Variants in ZNF83 observed in about 807,000 individuals in gnomAD.
The protein encoded by ZNF83 is zinc finger protein 83.
For missense variants in ZNF83, 552 were observed against 629.9 expected, an observed-to-expected ratio of 0.88 and a Z score of 1.32; for synonymous variants, 209 against 213.0, an observed-to-expected ratio of 0.98 and a Z score of 0.17.
rs1256064536 is a variant in ZNF83 at position 52,683,226 on chromosome 19, CTCTGTG to C, written c.-283+7211_-283+7216del. Among the ~76,000 whole-genome samples the C allele has an allele frequency of 2.5e-3, 333 of 135,762 alleles. 8 individuals are homozygous for C. The highest frequency in any genetic ancestry group is 7.2e-3 in the East Asian group (28 of 3,898). 89.1% of individuals were successfully genotyped at this position (135,762 alleles called of 152,430 possible). On this transcript the variant is annotated intron_variant, in intron 1 of 5. Transcript: ENST00000594682. ...CCTCAGCTCCTCAGCTGCCCTGTGA[CTCTGTG>C]TGTGTGTGTGTGTGTGTGTGTGTGT...
intron 2 of ZNF83, among the ~76,000 whole-genome samples, chr19:52,619,739 T>C (rs547290483): frequency 8.6e-5 from 13 of 151,802 alleles, no homozygotes; most frequent in South Asian, 2.1e-4. Flanking sequence ...CACAGTGAAA[T>C]AGCCGGGCTC....
intron 2 of ZNF83, among the ~76,000 whole-genome samples, chr19:52,623,451 C>G (rs1025318354): frequency 6.6e-6 from 1 of 152,136 alleles, no homozygotes; most frequent in Non-Finnish European, 1.5e-5. Flanking sequence ...CCAACTTGAA[C>G]AATATTCTTT....
chr19:52,625,043 CTCCTT>C (rs1282434075), intron 2 of ZNF83, among the ~76,000 whole-genome samples: 1 of 151,870 alleles, frequency 6.6e-6, no homozygotes, highest in African/African-American at 2.4e-5. Flanking sequence ...CCATTTCCCC[CTCCTT>C]TCGTGTTCCT....
At chr19:52,646,553 TATTA>T (rs2061375294) in intron 3 of ZNF83, among the ~76,000 whole-genome samples, 2 of 152,118 alleles carry the variant, frequency 1.3e-5, no homozygotes, top group South Asian at 2.1e-4. Flanking sequence ...TATCTGAAAA[TATTA>T]ATTAATTAGT....
chr19:52,655,374 A>C (rs2085086660), intron 3 of ZNF83: 1 of 562,772 alleles, frequency 1.8e-6, no homozygotes, highest in Admixed American at 3.2e-5. Context: ...GTTTTTATGT[A>C]AAACCACTCC....
intron 2 of ZNF83, among the ~76,000 whole-genome samples, chr19:52,630,712 G>T (rs1023480608): frequency 6.6e-6 from 1 of 151,936 alleles, no homozygotes; most frequent in Admixed American, 6.6e-5. Flanking sequence ...TCACATGCCC[G>T]TTACCATCCC....
At chr19:52,689,974 G>T (rs1200254113) in intron 1 of ZNF83, among the ~76,000 whole-genome samples, 3 of 152,192 alleles carry the variant, frequency 2.0e-5, no homozygotes, top group Non-Finnish European at 4.4e-5. Flanking sequence ...GAGGAGGGAG[G>T]TGGGGGGCGA....
rs192597481 is a variant in ZNF83, at chr19:52,653,061, G to A, written c.-74+2500C>T. 20 of 1,487,656 alleles carry A rather than the reference G, an allele frequency of 1.3e-5. No homozygotes were observed. The African/African-American group carries it at 2.2e-4, about 16-fold the overall frequency. The allele number at this position is 1,487,656 out of a possible 1,614,324, so 92.2% of individuals were successfully genotyped here. ...AAACCTTGCCACATTCATTACACTT[G>A]TAAGGTTTCTCTCCAGTATGAATTG... On this transcript the variant is annotated intron_variant, in intron 3 of 5. Coordinates refer to the ZNF83 transcript ENST00000594682.
At position 52,635,169 on chromosome 19, in the gene ZNF83, A is replaced by G. The variant is rs10775556; in HGVS notation, c.-321-16T>C. 398,004 of 618,196 alleles carry G rather than the reference A, an allele frequency of 0.64. 131,601 individuals are homozygous for G. The highest frequency in any genetic ancestry group is 0.72 in the African/African-American group (39,822 of 55,094). The allele number at this position is 618,196 out of a possible 1,614,324, so 38.3% of individuals were successfully genotyped here. A position where few individuals can be genotyped will look rare whatever the true frequency, so the allele number is the denominator to read the frequency against. The stretch of plus-strand genomic sequence containing the variant: ...GAAGTCAATCCTGAATGTTAAAAAT[A>G]TGTTGTTTATTGCTCAGAATCAATA... On this transcript the variant is annotated splice_polypyrimidine_tract_variant and intron_variant, in intron 1 of 2. Transcript: ENST00000301096.
chr19:52,654,267 AT>A, intron 3 of ZNF83: 1 of 1,558,168 alleles, frequency 6.4e-7, no homozygotes, highest in Non-Finnish European at 8.8e-7. Context: ...AGTCATGAAT[AT>A]CTTTCTTGAT....
exon 3 of ZNF83, chr19:52,612,524 C>T (rs1228621452): frequency 1.3e-5 from 2 of 158,194 alleles, no homozygotes; most frequent in African/African-American, 4.8e-5. Context: ...AAAGCTTAAG[C>T]ATGCACGTTA....
At chr19:52,646,940 T>C in intron 3 of ZNF83, among the ~76,000 whole-genome samples, 1 of 152,242 alleles carries the variant, frequency 6.6e-6, no homozygotes, top group East Asian at 1.9e-4. Context: ...TATGATTTAC[T>C]GTCTTTGTCC....
rs780906311 is a variant in ZNF83, at chr19:52,619,025, G to T, written c.-233-4228C>A. ...GTCCAGGCATTTCCACTCCTCCTGA[G>T]AGAATTCTATGGCCACATCCCTGAA... On this transcript the variant is annotated intron_variant, in intron 2 of 2. Coordinates refer to ENST00000301096, the Ensembl canonical transcript of ZNF83. 22 of 1,607,204 alleles carry T rather than the reference G, an allele frequency of 1.4e-5. No homozygotes were observed. In the African/African-American group the frequency reaches 2.7e-4, roughly 20 times the overall value.
chr19:52,643,349 T>C (rs1187658210), upstream of ZNF83, among the ~76,000 whole-genome samples: 4 of 117,204 alleles, frequency 3.4e-5, 1 homozygote, highest in South Asian at 8.4e-4. Flanking sequence ...AGTCAGACTC[T>C]GTCTCAAATA....
At chr19:52,682,723 A>G (rs2061942914) in intron 1 of ZNF83, among the ~76,000 whole-genome samples, 1 of 151,906 alleles carries the variant, frequency 6.6e-6, no homozygotes, top group Non-Finnish European at 1.5e-5. Context: ...GAAAAGATGT[A>G]GCTATGTGTG....
chr19:52,628,609 C>T (rs1188892950), intron 2 of ZNF83, among the ~76,000 whole-genome samples: 1 of 152,066 alleles, frequency 6.6e-6, no homozygotes, highest in Non-Finnish European at 1.5e-5. Context: ...GGTGTCAGAC[C>T]ACACAGGGAC....
At chr19:52,612,865 T>G in exon 3 of ZNF83, 1 of 650,662 alleles carries the variant, frequency 1.5e-6, no homozygotes, top group Non-Finnish European at 2.5e-6. Flanking sequence ...TTAGTAAAGT[T>G]TCTGTCCTCT....
chr19:52,678,152 T>C (rs561657624), intron 1 of ZNF83, among the ~76,000 whole-genome samples: 1 of 152,046 alleles, frequency 6.6e-6, no homozygotes, highest in African/African-American at 2.4e-5. Flanking sequence ...AATGGTTGCA[T>C]ATGAAAATTA....
At chr19:52,628,500 C>G (rs1419593454) in intron 2 of ZNF83, among the ~76,000 whole-genome samples, 1 of 152,090 alleles carries the variant, frequency 6.6e-6, no homozygotes, top group African/African-American at 2.4e-5. Flanking sequence ...ATCCGTGGAC[C>G]CAAAACTCGG....
Sources: allele counts gnomAD v4.1 joint callset (sites outside exome capture counted in the v4.1 genomes callset), GRCh38; gene constraint gnomAD v4.1.1; transcripts MANE v1.5; gene names NCBI Gene and HGNC (gene_info 2026-07-23, HGNC 2026-07-21).